PLD5: variants seen among roughly 807,000 people sequenced by gnomAD.
The protein encoded by PLD5 is phospholipase D family member 5, also known as inactive phospholipase D5.
A neutral mutation model predicts 61.1 loss-of-function variants in PLD5; 36 were observed. The observed-to-expected ratio is 0.59, with a 90% CI of 0.45 to 0.78. The LOEUF (loss-of-function observed/expected upper bound fraction) is 0.78. Among genes scored for constraint, PLD5 ranks in the 30% least tolerant of loss-of-function variants. PLD5 has a pLI of 0.00. For missense variants in PLD5, 515 were observed against 644.4 expected (o/e 0.80, Z 2.17); for synonymous variants, 243 against 242.8 (o/e 1.00, Z -0.01).
intron 5 of PLD5, among the ~76,000 whole-genome samples, chr1:242,129,482 C>A (rs1278431638): frequency 2.0e-5 from 3 of 152,148 alleles, no homozygotes; most frequent in African/African-American, 7.2e-5. Context: ...TGTTTTGCAG[C>A]TTTTTCGCCC....
At chr1:242,398,010 C>G (rs960933618) in intron 1 of PLD5, among the ~76,000 whole-genome samples, 1 of 152,130 alleles carries the variant, frequency 6.6e-6, no homozygotes, top group African/African-American at 2.4e-5. Context: ...ACTTGAACAC[C>G]TTTCCTGAGA....
At chr1:242,471,928 A>G (rs1667459441) in intron 1 of PLD5, among the ~76,000 whole-genome samples, 1 of 152,200 alleles carries the variant, frequency 6.6e-6, no homozygotes, top group Non-Finnish European at 1.5e-5. Flanking sequence ...AAGTCAGTGA[A>G]GTGATAGAAA....
intron 6 of PLD5, among the ~76,000 whole-genome samples, chr1:242,119,982 T>C (rs1431345236): frequency 1.3e-5 from 2 of 152,220 alleles, no homozygotes; most frequent in Admixed American, 1.3e-4. Flanking sequence ...AATGGAATTA[T>C]TTAACCATAA....
At chr1:242,347,561 G>C (rs1451784395) in intron 2 of PLD5, among the ~76,000 whole-genome samples, 1 of 152,122 alleles carries the variant, frequency 6.6e-6, no homozygotes, top group East Asian at 1.9e-4. Flanking sequence ...GCTACTTAAT[G>C]TAACTGAAGA....
chr1:242,497,599 C>T (rs1450975300), intron 1 of PLD5, among the ~76,000 whole-genome samples: 5 of 152,218 alleles, frequency 3.3e-5, no homozygotes, highest in Non-Finnish European at 4.4e-5. Flanking sequence ...TTTAACTTCG[C>T]TAAACCTCTG....
rs549346675 is a variant in PLD5 at position 242,368,931 on chromosome 1, AT to A, written c.190-20690del. Among the ~76,000 whole-genome samples, 46 of 152,302 alleles carry A rather than the reference AT, an allele frequency of 3.0e-4. No individual in the cohort carries two copies. In the East Asian group the frequency reaches 4.6e-3, roughly 15 times the overall value. The stretch of plus-strand genomic sequence containing the variant: ...CTTTTGCCCTCACTATCTGCCTAAA[AT>A]AATTTCTTTCTATCTCCTGTGTCAC... On this transcript the variant is annotated intron_variant, in intron 1 of 9. Coordinates refer to ENST00000536534, the MANE Select transcript of PLD5 (RefSeq NM_001372062.1).
intron 1 of PLD5, among the ~76,000 whole-genome samples, chr1:242,514,901 G>A (rs543680412): frequency 6.6e-6 from 1 of 152,316 alleles, no homozygotes; most frequent in East Asian, 1.9e-4. Flanking sequence ...ACCTCCATGG[G>A]TTAGAGAGGA....
At position 242,104,997 on chromosome 1, in the gene PLD5, AACTT is replaced by A. The variant is rs754270791; in HGVS notation, c.1239+2670_1239+2673del. Among the ~76,000 whole-genome samples, 3 of 152,332 alleles carry A rather than the reference AACTT, an allele frequency of 2.0e-5. No homozygotes were observed. The East Asian group carries it at 5.8e-4, about 29-fold the overall frequency. On this transcript the variant is annotated intron_variant, in intron 8 of 9. Coordinates refer to ENST00000536534, the MANE Select transcript of PLD5 (RefSeq NM_001372062.1). ...TCTGTCATAACAGCAACACAACAAA[AACTT>A]AATAAACGATGTAGCATTGGTTTAC...
chr1:242,386,483 C>G (rs1292994482), intron 1 of PLD5, among the ~76,000 whole-genome samples: 1 of 152,180 alleles, frequency 6.6e-6, no homozygotes, highest in Non-Finnish European at 1.5e-5. Context: ...GCTGGGCACA[C>G]AGCAAACCTG....
intron 1 of PLD5, among the ~76,000 whole-genome samples, chr1:242,470,116 C>G (rs1400037354): frequency 6.6e-6 from 1 of 152,036 alleles, no homozygotes; most frequent in South Asian, 2.1e-4. Flanking sequence ...CGGAGGCGGG[C>G]GGATCACGAG....
chr1:242,216,661 C>T (rs935176722), intron 5 of PLD5, among the ~76,000 whole-genome samples: 1 of 152,172 alleles, frequency 6.6e-6, no homozygotes, highest in African/African-American at 2.4e-5. Context: ...CTTTACAGCA[C>T]CTTCTTTACA....
At chr1:242,134,938 C>T (rs137904534) in intron 5 of PLD5, among the ~76,000 whole-genome samples, 2 of 152,322 alleles carry the variant, frequency 1.3e-5, no homozygotes, top group Non-Finnish European at 2.9e-5. Context: ...GCCTGCAACC[C>T]TGAGTGCAAT....
At chr1:242,149,606 A>AT (rs1664783661) in intron 5 of PLD5, among the ~76,000 whole-genome samples, 1 of 151,130 alleles carries the variant, frequency 6.6e-6, no homozygotes, top group South Asian at 2.1e-4. Context: ...AACCTGGAGT[A>AT]TTTTTTAATA....
At chr1:242,412,254 C>T (rs1481453778) in intron 1 of PLD5, among the ~76,000 whole-genome samples, 1 of 152,182 alleles carries the variant, frequency 6.6e-6, no homozygotes, top group African/African-American at 2.4e-5. Context: ...GTCCCACCTC[C>T]CATCCCATCA....
upstream of PLD5, among the ~76,000 whole-genome samples, chr1:242,529,620 T>G (rs968182093): frequency 3.9e-5 from 6 of 152,144 alleles, 1 homozygote; most frequent in African/African-American, 1.4e-4. Flanking sequence ...ACATCTCTGC[T>G]GGGCTGAGAG....
At chr1:242,108,328 T>C (rs1017988336) in intron 7 of PLD5, among the ~76,000 whole-genome samples, 6 of 152,166 alleles carry the variant, frequency 3.9e-5, no homozygotes, top group African/African-American at 1.4e-4. Context: ...TACCGTGGTG[T>C]CTCCTTACCA....
chr1:242,461,207 G>C (rs1466380684), intron 1 of PLD5, among the ~76,000 whole-genome samples: 1 of 152,200 alleles, frequency 6.6e-6, no homozygotes, highest in Non-Finnish European at 1.5e-5. Flanking sequence ...TTCTCAATAA[G>C]TAGTTTGTTG....
intron 2 of PLD5, among the ~76,000 whole-genome samples, chr1:242,328,335 TAC>T (rs1164005442): frequency 6.6e-6 from 1 of 152,102 alleles, no homozygotes; most frequent in African/African-American, 2.4e-5. Context: ...GTGTTTTACA[TAC>T]GTGTGTTCTA....
chr1:242,425,178 T>A (rs1665350056), intron 1 of PLD5, among the ~76,000 whole-genome samples: 3 of 152,134 alleles, frequency 2.0e-5, no homozygotes, highest in Admixed American at 2.0e-4. Flanking sequence ...GGAGATACGT[T>A]CTGTGAAATG....
Sources: gnomAD v4.1 joint callset for allele counts (sites outside exome capture counted in the v4.1 genomes callset) on GRCh38, gnomAD v4.1.1 for gene constraint, MANE v1.5 for transcripts, NCBI Gene and HGNC (gene_info 2026-07-23, HGNC 2026-07-21) for gene names.